The following KPNA6 variants were observed in gnomAD, a reference collection of about 807,000 sequenced individuals.
The protein encoded by KPNA6 is importin subunit alpha-7.
Under a neutral mutation model 72.0 loss-of-function variants are expected in KPNA6, and 9 were observed. The observed-to-expected ratio is 0.13, with a 90% CI of 0.08 to 0.22. The LOEUF is 0.22. Ranked by LOEUF, KPNA6 falls within the 10% of genes least tolerant of loss-of-function variation. The pLI is 1.00. For synonymous variants in KPNA6, 219 were observed against 242.1 expected, an observed-to-expected ratio of 0.90 and a Z score of 0.89; for missense variants, 374 against 655.7, an observed-to-expected ratio of 0.57 and a Z score of 4.69.
intron 2 of KPNA6, 58 bp downstream of exon 2, chr1:32,154,779 G>A: frequency 6.3e-7 from 1 of 1,589,444 alleles, no homozygotes; most frequent in Non-Finnish European, 8.6e-7. Flanking sequence ...CCCTATGGTT[G>A]GCCTCCACCA....
intron 1 of KPNA6, among the ~76,000 whole-genome samples, chr1:32,112,504 T>A (rs1641258380): frequency 6.6e-6 from 1 of 152,136 alleles, no homozygotes; most frequent in African/African-American, 2.4e-5. Flanking sequence ...TTTATTTATT[T>A]ATTTGAGACA....
chr1:32,119,017 TATATATA>T (rs1641380956), intron 1 of KPNA6, among the ~76,000 whole-genome samples: 3 of 77,414 alleles, frequency 3.9e-5, no homozygotes, highest in Admixed American at 1.6e-4. Context: ...TATATATATA[TATATATA>T]TATATATATT....
At chr1:32,147,786 A>G (rs1641957133) in intron 1 of KPNA6, among the ~76,000 whole-genome samples, 1 of 148,962 alleles carries the variant, frequency 6.7e-6, no homozygotes, top group Non-Finnish European at 1.5e-5. Flanking sequence ...CGTCCTCCCA[A>G]GTAGCTGGGA....
chr1:32,143,594 A>G (rs1302245485), intron 1 of KPNA6, among the ~76,000 whole-genome samples: 1 of 149,348 alleles, frequency 6.7e-6, no homozygotes, highest in Non-Finnish European at 1.5e-5. Flanking sequence ...AAAGAAAAGA[A>G]AAAAAAATTA....
rs549487375 is a variant in KPNA6, at chr1:32,155,051, C to G, written c.138+330C>G. ...GCTTGAACCTGGGAGGCGGAGGTTGCAGGAGCTGAGTTCGTGCCATTGCAC... is the reference window on the plus strand; with the variant it reads ...GCTTGAACCTGGGAGGCGGAGGTTGGAGGAGCTGAGTTCGTGCCATTGCAC... On this transcript the variant is annotated intron_variant, in intron 2 of 13. Transcript: ENST00000373625. 9.3e-4 allele frequency among the ~76,000 whole-genome samples: 126 copies of G among 135,468 alleles called. 1 individual carries two copies. Among genetic ancestry groups the G allele is most frequent in the African/African-American group, 3.4e-3 (124 of 36,044 alleles). The allele number at this position is 135,468 out of a possible 152,430, so 88.9% of individuals were successfully genotyped here.
At position 32,157,494 on chromosome 1, in the gene KPNA6, T is replaced by G. The variant is rs899533108; in HGVS notation, c.331+49T>G. 7.4e-5 allele frequency: 100 copies of G among 1,348,904 alleles called. No homozygotes were observed. In the African/African-American group the frequency reaches 1.4e-3, roughly 18 times the overall value. 83.6% of individuals were successfully genotyped at this position (1,348,904 alleles called of 1,614,324 possible). The stretch of plus-strand genomic sequence containing the variant: ...AGAGGCCTTATATGATTTAGCCTCT[T>G]TTCTCTTCACTGATGTCATCAACTT... On this transcript the variant is annotated intron_variant, in intron 4 of 13. Coordinates refer to ENST00000373625, the MANE Select transcript of KPNA6 (RefSeq NM_012316.5).
At chr1:32,123,872 A>G (rs1641482438) in intron 1 of KPNA6, among the ~76,000 whole-genome samples, 1 of 151,176 alleles carries the variant, frequency 6.6e-6, no homozygotes, top group Non-Finnish European at 1.5e-5. Context: ...CATCTCTACT[A>G]AAAATACAAA....
chr1:32,162,801 C>T (rs531390853), intron 9 of KPNA6, among the ~76,000 whole-genome samples: 2 of 151,348 alleles, frequency 1.3e-5, no homozygotes, highest in East Asian at 3.9e-4. Context: ...TGCCATTGCA[C>T]TCCAGCCTGG....
rs368173714 is a variant in KPNA6 at position 32,156,850 on chromosome 1, C to T, written c.139-3C>T. 1 of 1,611,846 alleles carries T rather than the reference C, an allele frequency of 6.2e-7. No individual in the cohort carries two copies. The highest frequency in any genetic ancestry group is 1.3e-5 in the African/African-American group (1 of 74,858). On this transcript the variant is annotated splice_polypyrimidine_tract_variant and splice_region_variant and intron_variant, in intron 2 of 13. Transcript: ENST00000373625. ...CTCTTAACCACTGTCTCTTTACTTT[C>T]AGCTTTTTAAACGGAGAAATGTGGA...
At chr1:32,124,563 G>T (rs1459100540) in intron 1 of KPNA6, among the ~76,000 whole-genome samples, 1 of 150,410 alleles carries the variant, frequency 6.6e-6, no homozygotes, top group Non-Finnish European at 1.5e-5. Context: ...CTGGAGTGCA[G>T]TGGCACGATC....
intron 1 of KPNA6, among the ~76,000 whole-genome samples, chr1:32,114,435 C>CT (rs1244896462): frequency 7.1e-6 from 1 of 139,994 alleles, no homozygotes. Context: ...GAACGAAACT[C>CT]TGTCTCAAAA....
At position 32,117,380 on chromosome 1, in the gene KPNA6, G is replaced by C. The variant is rs575104556; in HGVS notation, c.4+9246G>C. ...GTAGAGATGGGGTTTTACCATCTTG[G>C]CCAGGCTGGTCTTGAACTCCTGACC... On this transcript the variant is annotated intron_variant, in intron 1 of 13. Coordinates refer to ENST00000373625, the MANE Select transcript of KPNA6 (RefSeq NM_012316.5). Among the ~76,000 whole-genome samples the C allele has an allele frequency of 1.2e-3, 176 of 151,896 alleles. 1 individual carries two copies. Among genetic ancestry groups the C allele is most frequent in the Admixed American group, 8.1e-3 (123 of 15,248 alleles).
At chr1:32,133,189 C>G (rs6671640) in intron 1 of KPNA6, among the ~76,000 whole-genome samples, 1 of 150,974 alleles carries the variant, frequency 6.6e-6, no homozygotes, top group African/African-American at 2.4e-5. Flanking sequence ...ACAAAAAATA[C>G]GAAAATTAGC....
chr1:32,160,572 G>T (rs764372340), intron 6 of KPNA6, 43 bp from the exon 7 acceptor site: 4 of 1,510,156 alleles, frequency 2.6e-6, no homozygotes, highest in Non-Finnish European at 2.8e-6. Flanking sequence ...ACTCACAGGA[G>T]TACCAAGCTT....
intron 1 of KPNA6, among the ~76,000 whole-genome samples, chr1:32,152,926 G>A (rs1642061136): frequency 7.2e-6 from 1 of 138,580 alleles, no homozygotes; most frequent in Non-Finnish European, 1.5e-5. Flanking sequence ...TGAGGCAGGA[G>A]AATCACATGA....
At position 32,173,205 on chromosome 1, in the gene KPNA6, AC is replaced by A. The variant is rs1339423028; in HGVS notation, c.*2314del. On this transcript the variant is annotated 3_prime_UTR_variant, in exon 14 of 14. Coordinates refer to ENST00000373625, the MANE Select transcript of KPNA6 (RefSeq NM_012316.5). ...AAAAAAAAAAAAAAAGCCTTCCCCT[AC>A]CCAACCTCCGCCCATTGTTCTCTTC... The A allele has an allele frequency of 2.6e-6, 1 of 379,020 alleles. No homozygotes were observed. The highest frequency in any genetic ancestry group is 2.3e-5 in the African/African-American group (1 of 44,364). 23.5% of individuals were successfully genotyped at this position (379,020 alleles called of 1,614,324 possible).
rs144615301 is a variant in KPNA6, at chr1:32,111,427, T to C, written c.4+3293T>C. Reference sequence around the variant, plus strand: ...AAGGTCTTGAAGGGGGTTTTTAGCCTAGAGTCAGGTAACTTCCTCTTTCCA... The same window carrying C: ...AAGGTCTTGAAGGGGGTTTTTAGCCCAGAGTCAGGTAACTTCCTCTTTCCA... On this transcript the variant is annotated intron_variant, in intron 1 of 13. Transcript: ENST00000373625. 1.8e-3 allele frequency among the ~76,000 whole-genome samples: 278 copies of C among 152,342 alleles called. 4 individuals are homozygous for C. The highest frequency in any genetic ancestry group is 1.1e-3 in the Non-Finnish European group (75 of 68,026).
chr1:32,110,394 C>T (rs1320379398), intron 1 of KPNA6, among the ~76,000 whole-genome samples: 1 of 152,020 alleles, frequency 6.6e-6, no homozygotes, highest in Non-Finnish European at 1.5e-5. Flanking sequence ...ATCTGAGATT[C>T]TAAGGAAGCA....
intron 1 of KPNA6, among the ~76,000 whole-genome samples, chr1:32,114,166 G>A (rs969423466): frequency 3.3e-5 from 5 of 151,990 alleles, no homozygotes; most frequent in Admixed American, 2.0e-4. Context: ...TTAGGCCGGC[G>A]CAATGGCTCA....
Sources: allele counts gnomAD v4.1 joint callset (sites outside exome capture counted in the v4.1 genomes callset), GRCh38; gene constraint gnomAD v4.1.1; transcripts MANE v1.5; gene names NCBI Gene and HGNC (gene_info 2026-07-23, HGNC 2026-07-21).